FIBP: variants seen among roughly 807,000 people sequenced by gnomAD.
FIBP encodes FGF1 intracellular binding protein, also known as acidic fibroblast growth factor intracellular-binding protein.
Under a neutral mutation model 40.5 loss-of-function variants are expected in FIBP, and 29 were observed. That is an observed-to-expected ratio of 0.72 (90% CI 0.53 to 0.98). The LOEUF (loss-of-function observed/expected upper bound fraction) is 0.98. Among genes scored for constraint, FIBP ranks in the 50% least tolerant of loss-of-function variants. The probability of loss-of-function intolerance (pLI) is 0.00; values close to 1 mark genes in which losing one functional copy is unlikely to be tolerated. For missense variants in FIBP, 411 were observed against 470.2 expected, an observed-to-expected ratio of 0.87 and a Z score of 1.16; for synonymous variants, 215 against 191.1, an observed-to-expected ratio of 1.13 and a Z score of -1.03.
chr11:65,888,236 C>T lies in FIBP; in HGVS notation c.85+98G>A, dbSNP rs776569552. On this transcript the variant is annotated intron_variant, in intron 1 of 9. Coordinates refer to ENST00000357519, the MANE Select transcript of FIBP (RefSeq NM_004214.5). ...AACACCTCTTATTCCCAGGCGCTCG[C>T]CCACTTCCCTAAAGGATGCCCAAGT... 1.3e-5 allele frequency: 19 copies of T among 1,470,482 alleles called. No homozygotes were observed. In the South Asian group the frequency reaches 1.8e-4, roughly 14 times the overall value. 91.1% of individuals were successfully genotyped at this position (1,470,482 alleles called of 1,614,324 possible). A position where few individuals can be genotyped will look rare whatever the true frequency, so the allele number is the denominator to read the frequency against.
intron 4 of FIBP, 127 bp from the exon 5 acceptor site, chr11:65,885,790 T>C (rs2134773198): frequency 1.1e-6 from 1 of 936,202 alleles, no homozygotes; most frequent in East Asian, 2.4e-5. Context: ...GTGTGACGTG[T>C]CTCAAGTCAC....
chr11:65,887,541 C>T (rs1428168683), intron 3 of FIBP, 59 bp downstream of exon 3: 1 of 1,597,192 alleles, frequency 6.3e-7, no homozygotes, highest in Non-Finnish European at 8.6e-7. Context: ...GGGCCAGTGG[C>T]CAAAGGGAGG....
chr11:65,884,317 T>C (rs754335623), intron 9 of FIBP, 75 bp downstream of exon 9: 4 of 1,350,322 alleles, frequency 3.0e-6, no homozygotes, highest in Non-Finnish European at 4.2e-6. Context: ...GAACCTTGAG[T>C]CTGCAGGAGG....
chr11:65,886,139 C>A (rs190424230), intron 4 of FIBP, 183 bp downstream of exon 4: 22 of 543,566 alleles, frequency 4.0e-5, no homozygotes, highest in African/African-American at 3.9e-4. Flanking sequence ...GCATTCCAGC[C>A]TGGGCAACAA....
At chr11:65,884,286 C>T in intron 9 of FIBP, 106 bp downstream of exon 9, 1 of 1,089,006 alleles carries the variant, frequency 9.2e-7, no homozygotes, top group South Asian at 1.4e-5. Context: ...TTTGGTCCCA[C>T]CCCCAGGGTA....
chr11:65,884,745 C>T, intron 7 of FIBP, 89 bp from the exon 8 acceptor site: 1 of 1,412,352 alleles, frequency 7.1e-7, no homozygotes, highest in Admixed American at 1.7e-5. Flanking sequence ...GCAGGCCCCT[C>T]CCCAGATCCA....
intron 1 of FIBP, 67 bp downstream of exon 1, chr11:65,888,267 C>A: frequency 6.7e-7 from 1 of 1,498,424 alleles, no homozygotes; most frequent in Non-Finnish European, 9.1e-7. Flanking sequence ...CAAGTCTTAG[C>A]CCCGCCCCCT....
intron 2 of FIBP, 50 bp from the exon 3 acceptor site, chr11:65,887,776 G>A: frequency 6.5e-7 from 1 of 1,539,632 alleles, no homozygotes; most frequent in Non-Finnish European, 8.8e-7. Context: ...ACAGGAAAGG[G>A]AGTCTGGCGG....
Position 65,886,362 on chromosome 11 carries a change from T to C in FIBP, c.472A>G (p.Asn158Asp), listed in dbSNP as rs376698750. ...GAGAGGAGGAAGTGTTGCTGAATAT[T>C]GTCCACCAGGGAGCCCCGCATTTCC... Reference protein sequence around the residue: ...VEEMRGSLVDNIQQHFLLSDR... With the variant: ...VEEMRGSLVDDIQQHFLLSDR... Residue 158 changes from asparagine to aspartate, a missense_variant, in exon 4 of 10, where the codon AAT becomes GAT. Coordinates refer to ENST00000357519, the MANE Select transcript of FIBP (RefSeq NM_004214.5). 7.4e-6 allele frequency: 12 copies of C among 1,613,832 alleles called. No individual in the cohort carries two copies. The highest frequency in any genetic ancestry group is 1.0e-5 in the Non-Finnish European group (12 of 1,179,976).
chr11:65,887,307 G>A (rs1321373962), intron 3 of FIBP: 1 of 426,062 alleles, frequency 2.3e-6, no homozygotes, highest in African/African-American at 2.0e-5. Flanking sequence ...TTAGCTGGGT[G>A]TGGGAGCGGG....
At chr11:65,887,492 C>T (rs2134776552) in intron 3 of FIBP, 108 bp downstream of exon 3, 1 of 1,059,894 alleles carries the variant, frequency 9.4e-7, no homozygotes, top group Non-Finnish European at 1.4e-6. Flanking sequence ...GAGGAGAAGA[C>T]TAGGTATGAA....
chr11:65,884,842 G>A (rs969820406), intron 7 of FIBP, 93 bp downstream of exon 7: 17 of 1,497,288 alleles, frequency 1.1e-5, no homozygotes, highest in South Asian at 3.4e-5. Context: ...GCCACCTGCC[G>A]GCCAATCCCT....
chr11:65,885,498 C>T (rs764200881), intron 5 of FIBP, 32 bp downstream of exon 5: 6 of 1,600,644 alleles, frequency 3.7e-6, no homozygotes, highest in South Asian at 3.3e-5. Flanking sequence ...GATGGGGAGG[C>T]GTCCAGGCAC....
intron 1 of FIBP, 34 bp downstream of exon 1, chr11:65,888,300 C>T (rs753784599): frequency 2.8e-4 from 437 of 1,539,190 alleles, no homozygotes; most frequent in Non-Finnish European, 3.7e-4. Context: ...ACAACCGCTC[C>T]GCCGACTGGC....
Position 65,886,438 on chromosome 11 carries a change from G to A in FIBP, c.412-16C>T, listed in dbSNP as rs373874955. 2.6e-6 allele frequency: 4 copies of A among 1,563,706 alleles called. No homozygotes were observed. The highest frequency in any genetic ancestry group is 2.2e-5 in the South Asian group (2 of 90,078). ...AGTTGTCAAACTGCAGGGCAGTTAG[G>A]GTAGAAGAGAGGACTGGTCAGAGTG... On this transcript the variant is annotated splice_polypyrimidine_tract_variant and intron_variant, in intron 3 of 9. Coordinates refer to ENST00000357519, the MANE Select transcript of FIBP (RefSeq NM_004214.5).
Position 65,884,807 on chromosome 11 carries a change from A to G in FIBP, c.819+128T>C, listed in dbSNP as rs989701827. 8 of 1,335,706 alleles carry G rather than the reference A, an allele frequency of 6.0e-6. No individual in the cohort carries two copies. In the African/African-American group the frequency reaches 1.2e-4, roughly 19 times the overall value. The allele number at this position is 1,335,706 out of a possible 1,614,324, so 82.7% of individuals were successfully genotyped here. ...CCATTGTTTATGAGCTGCTCCCGTC[A>G]GCGGCCACCAGAGGGAGCAGCAGTG... On this transcript the variant is annotated intron_variant, in intron 7 of 9. Coordinates refer to ENST00000357519, the MANE Select transcript of FIBP (RefSeq NM_004214.5).
In FIBP at chr11:65,888,403, C is replaced by T. The variant is rs1860302586; in HGVS notation, c.16G>A (p.Asp6Asn). Reference sequence around the variant, plus strand: ...AGGGTCGTGTTCCCCACGAAGATGTCCAGCTCACTGGTCATGGCGACGCCC... The same window carrying T: ...AGGGTCGTGTTCCCCACGAAGATGTTCAGCTCACTGGTCATGGCGACGCCC... MTSEL[D>N]IFVGNTTLID... Residue 6 changes from aspartate (D) to asparagine (N), a missense_variant, in exon 1 of 10, where the codon GAC becomes AAC. Asp to Asn is a conservative substitution (Grantham distance 23, BLOSUM62 1). Coordinates refer to ENST00000357519, the MANE Select transcript of FIBP (RefSeq NM_004214.5). The T allele has an allele frequency of 6.4e-7, 1 of 1,567,134 alleles. No homozygotes were observed. Among genetic ancestry groups the T allele is most frequent in the South Asian group, 1.2e-5 (1 of 85,524 alleles).
In FIBP at chr11:65,884,420, C is replaced by A. The variant is rs1860173242; in HGVS notation, c.976G>T (p.Ala326Ser). The change falls in exon 9 of 10, where the codon GCG becomes TCG. Residue 326 changes from alanine to serine, a missense_variant. Coordinates refer to ENST00000357519, the MANE Select transcript of FIBP (RefSeq NM_004214.5). Reference protein sequence around the residue: ...DVRFFLNQYSASVHSLDGFRH... With the variant: ...DVRFFLNQYSSSVHSLDGFRH... ...AAGCCATCGAGGGAGTGGACAGACG[C>A]TGAATACTGATTCAGGAAGAACCGC... is the stretch of plus-strand genomic sequence containing the variant. 1.2e-6 allele frequency: 2 copies of A among 1,614,038 alleles called. No individual in the cohort carries two copies. Among genetic ancestry groups the A allele is most frequent in the Non-Finnish European group, 1.7e-6 (2 of 1,180,040 alleles).
At position 65,887,987 on chromosome 11, in the gene FIBP, C is replaced by T; in HGVS notation, c.231G>A (p.Leu77=). Residue 77 remains leucine (L), a synonymous_variant, in exon 2 of 10, where the codon CTG becomes CTA. Transcript: ENST00000357519. The part of the protein sequence containing the change: ...ERLLHAPPKL[L]HQLIFQIPPS... ...GCGGAATCTGGAAGATGAGCTGGTG[C>T]AGTAGCTTGGGCGGCGCATGCAGCA... 1 of 1,613,694 alleles carries T rather than the reference C, an allele frequency of 6.2e-7. No homozygotes were observed. Among genetic ancestry groups the T allele is most frequent in the Non-Finnish European group, 8.5e-7 (1 of 1,179,910 alleles).
Sources: gnomAD v4.1 joint callset for allele counts on GRCh38, gnomAD v4.1.1 for gene constraint, MANE v1.5 for transcripts, NCBI Gene and HGNC (gene_info 2026-07-23, HGNC 2026-07-21) for gene names.